Variants in COL5A1 observed in about 807,000 individuals in gnomAD.
COL5A1 encodes the protein collagen alpha-1(V) chain.
A neutral mutation model predicts 263.7 loss-of-function variants in COL5A1; 16 were observed. The observed-to-expected ratio is 0.06, with a 90% CI of 0.04 to 0.09. The LOEUF is 0.09. Ranked by LOEUF, COL5A1 falls within the 10% of genes least tolerant of loss-of-function variation. The pLI is 1.00. For synonymous variants in COL5A1, 1,012 were observed against 1,004.5 expected (o/e 1.01, Z -0.14); for missense variants, 2,036 against 2,540.5 (o/e 0.80, Z 4.27).
At position 134,679,058 on chromosome 9, in the gene COL5A1, G is replaced by A. The variant is rs75374435; in HGVS notation, c.110-11854G>A. On this transcript the variant is annotated intron_variant, in intron 1 of 65. Transcript: ENST00000371817. ...TTCTCATCAATTCTCAGTTCATTTG[G>A]AGCCTCCTCTTCACTACTTGACACC... Among the ~76,000 whole-genome samples the A allele has an allele frequency of 6.7e-3, 1,022 of 152,310 alleles. 11 individuals carry two copies. Among genetic ancestry groups the A allele is most frequent in the African/African-American group, 0.019 (802 of 41,570 alleles).
At position 134,796,432 on chromosome 9, in the gene COL5A1, G is replaced by C. The variant is rs1400783847; in HGVS notation, c.2844+14G>C. 6.2e-7 allele frequency: 1 copy of C among 1,613,966 alleles called. No individual in the cohort carries two copies. The highest frequency in any genetic ancestry group is 8.5e-7 in the Non-Finnish European group (1 of 1,179,898). ...CCTGGTGAACGGGTAAGCAGCTGGA[G>C]CCTTCGGGGGTGTCTCCAAGGGCAG... On this transcript the variant is annotated intron_variant, in intron 35 of 65. Transcript: ENST00000371817.
rs1166806390 is a variant in COL5A1 at position 134,789,170 on chromosome 9, C to T, written c.2662C>T (p.Pro888Ser). ...TCTCTTTCAGGGCTCTATTGGATTCCCTGGATTTCCTGGCGCCAATGGAGA... is the reference window on the plus strand; with the variant it reads ...TCTCTTTCAGGGCTCTATTGGATTCTCTGGATTTCCTGGCGCCAATGGAGA... ...RQGPKGSIGF[P>S]GFPGANGEKG... Residue 888 changes from proline (P) to serine (S), a missense_variant, in exon 32 of 66, where the codon CCT becomes TCT. By Grantham distance (74) the Pro-to-Ser change is moderately conservative. Around this residue, in one of 3 missense-constraint regions of COL5A1, gnomAD observed 1,078 missense variants for 1,521.4 expected, o/e 0.71. Coordinates refer to ENST00000371817, the MANE Select transcript of COL5A1 (RefSeq NM_000093.5). The surrounding 1 kb of genome is among the most constrained non-coding windows in gnomAD (Gnocchi z 4.8). 6.2e-7 allele frequency: 1 copy of T among 1,613,068 alleles called. No homozygotes were observed.
In COL5A1 at chr9:134,752,110, G is replaced by A. The variant is rs369062523; in HGVS notation, c.1663-479G>A. Among the ~76,000 whole-genome samples, 34 of 152,358 alleles carry A rather than the reference G, an allele frequency of 2.2e-4. No individual in the cohort carries two copies. In the East Asian group the frequency reaches 2.7e-3, roughly 12 times the overall value. Reference sequence around the variant, plus strand: ...TGGGGGCCACATGCAGAGGGGGCAGGTGGGTTCCTACCCTCCCAAAATACT... The same window carrying A: ...TGGGGGCCACATGCAGAGGGGGCAGATGGGTTCCTACCCTCCCAAAATACT... On this transcript the variant is annotated intron_variant, in intron 13 of 65. Transcript: ENST00000371817.
intron 18 of COL5A1, among the ~76,000 whole-genome samples, chr9:134,759,881 C>A (rs1236178973): frequency 9.5e-6 from 1 of 105,616 alleles, no homozygotes; most frequent in South Asian, 3.7e-4. Context: ...TGCACACACA[C>A]CACACAGGCA....
At chr9:134,791,589 G>T (rs1425042552) in intron 32 of COL5A1, among the ~76,000 whole-genome samples, 1 of 151,832 alleles carries the variant, frequency 6.6e-6, no homozygotes, top group Non-Finnish European at 1.5e-5. Flanking sequence ...GAAGCTGAGG[G>T]CTGGGCTGTC....
At chr9:134,725,180 G>A (rs1361802738) in intron 4 of COL5A1, among the ~76,000 whole-genome samples, 1 of 152,156 alleles carries the variant, frequency 6.6e-6, no homozygotes, top group Non-Finnish European at 1.5e-5. Flanking sequence ...TCCCTTGAGT[G>A]TGGTGGGGCG....
In COL5A1 at chr9:134,781,011, C is replaced by T. The variant is rs893365432; in HGVS notation, c.2430+865C>T. On this transcript the variant is annotated intron_variant, in intron 28 of 65. Coordinates refer to ENST00000371817, the MANE Select transcript of COL5A1 (RefSeq NM_000093.5). ...ACTCTGGGCTCTCCCCTGGCCACGG[C>T]GGCCTGCGGGGCTGGAGTGCGGGTG... 8.5e-5 allele frequency among the ~76,000 whole-genome samples: 13 copies of T among 152,248 alleles called. No individual in the cohort carries two copies. In the East Asian group the frequency reaches 9.6e-4, roughly 11 times the overall value.
rs574753558 is a variant in COL5A1 at position 134,843,382 on chromosome 9, T to C, written c.*1079T>C. The stretch of plus-strand genomic sequence containing the variant: ...ACACTTCTCTCTTGTGGCTCTCTTG[T>C]GGTGCTATCTATCTGTTTTAAGGTC... On this transcript the variant is annotated 3_prime_UTR_variant, in exon 66 of 66. Transcript: ENST00000371817. 1.2e-5 allele frequency: 1 copy of C among 83,184 alleles called. No individual in the cohort carries two copies. The highest frequency in any genetic ancestry group is 3.8e-4 in the South Asian group (1 of 2,662). 5.2% of individuals were successfully genotyped at this position (83,184 alleles called of 1,614,324 possible). A position where few individuals can be genotyped will look rare whatever the true frequency, so the allele number is the denominator to read the frequency against.
At chr9:134,798,229 C>G (rs1309948367) in intron 36 of COL5A1, among the ~76,000 whole-genome samples, 179 bp from the exon 37 acceptor site, 1 of 152,196 alleles carries the variant, frequency 6.6e-6, no homozygotes, top group East Asian at 1.9e-4. Flanking sequence ...CAGGCAGGAG[C>G]CAAGGACAGC....
intron 42 of COL5A1, 49 bp downstream of exon 42, chr9:134,806,345 G>T (rs201059243): frequency 8.7e-5 from 116 of 1,327,160 alleles, no homozygotes; most frequent in Non-Finnish European, 1.2e-4. Context: ...AGATGCTGGG[G>T]TCGTTCCGTG....
At chr9:134,720,430 T>G (rs1201888739) in intron 4 of COL5A1, among the ~76,000 whole-genome samples, 1 of 152,178 alleles carries the variant, frequency 6.6e-6, no homozygotes, top group Non-Finnish European at 1.5e-5. Flanking sequence ...AGTTTGGAGC[T>G]TGGTTTCATA....
intron 9 of COL5A1, 47 bp from the exon 10 acceptor site, chr9:134,738,427 G>A (rs369392958): frequency 2.7e-5 from 44 of 1,612,192 alleles, no homozygotes; most frequent in Middle Eastern, 1.7e-4. Flanking sequence ...CTGGGGTGTC[G>A]GGAGGGATGG....
chr9:134,673,459 CAAAA>C (rs35466442), intron 1 of COL5A1, among the ~76,000 whole-genome samples: 1 of 103,072 alleles, frequency 9.7e-6, no homozygotes, highest in Non-Finnish European at 2.1e-5. Context: ...GACTCCATCT[CAAAA>C]AAAAAAAAAA....
In COL5A1 at chr9:134,642,581, C is replaced by T. The variant is rs577058653; in HGVS notation, c.109+285C>T. On this transcript the variant is annotated intron_variant, in intron 1 of 65. Coordinates refer to ENST00000371817, the MANE Select transcript of COL5A1 (RefSeq NM_000093.5). The surrounding 1 kb of genome is among the most constrained non-coding windows in gnomAD (Gnocchi z 4.5). Reference sequence around the variant, plus strand: ...CTGGATCAGCAGGAGGGGTTGTCCACGAGGCGGGCAAACTTTTGTCCCAAA... The same window carrying T: ...CTGGATCAGCAGGAGGGGTTGTCCATGAGGCGGGCAAACTTTTGTCCCAAA... Among the ~76,000 whole-genome samples the T allele has an allele frequency of 1.3e-5, 2 of 152,200 alleles. No homozygotes were observed. Among genetic ancestry groups the T allele is most frequent in the Admixed American group, 1.3e-4 (2 of 15,282 alleles).
At chr9:134,736,095 G>GCCA (rs1378647398) in intron 9 of COL5A1, among the ~76,000 whole-genome samples, 3 of 148,322 alleles carry the variant, frequency 2.0e-5, no homozygotes, top group South Asian at 2.1e-4. Context: ...GCAGCCCCCT[G>GCCA]GCCGGGAGTC....
At chr9:134,718,207 A>T (rs1834338700) in intron 4 of COL5A1, among the ~76,000 whole-genome samples, 2 of 152,358 alleles carry the variant, frequency 1.3e-5, no homozygotes, top group South Asian at 4.1e-4. Context: ...TGCCAGAGCC[A>T]AGGACAACAT....
intron 59 of COL5A1, 121 bp from the exon 60 acceptor site, chr9:134,822,877 C>G (rs1839072851): frequency 4.4e-6 from 5 of 1,127,998 alleles, no homozygotes; most frequent in Non-Finnish European, 6.6e-6. Context: ...AGCATAGACT[C>G]TTGAGGGGGA....
In COL5A1 at chr9:134,754,305, G is replaced by A. The variant is rs144065675; in HGVS notation, c.1806G>A (p.Pro602=). ...GAGGTGTGCAAGGCCCGCCTGGTCC[G>A]GCCGGGAAGCCCGGAAGACGGGTGA... ...GPRGVQGPPG[P]AGKPGRRGRA... The change falls in exon 16 of 66, where the codon CCG becomes CCA. Residue 602 remains proline (P), a synonymous_variant. Coordinates refer to ENST00000371817, the MANE Select transcript of COL5A1 (RefSeq NM_000093.5). The surrounding 1 kb of genome is among the most constrained non-coding windows in gnomAD (Gnocchi z 4.3). 2.4e-5 allele frequency: 38 copies of A among 1,614,052 alleles called. No individual in the cohort carries two copies. Among genetic ancestry groups the A allele is most frequent in the African/African-American group, 4.0e-5 (3 of 75,074 alleles).
intron 42 of COL5A1, among the ~76,000 whole-genome samples, chr9:134,807,919 C>A (rs1000339405): frequency 6.6e-6 from 1 of 152,074 alleles, no homozygotes; most frequent in African/African-American, 2.4e-5. Context: ...GCAAGAGTTG[C>A]TCTATCCAGG....
Sources: allele counts gnomAD v4.1 joint callset (sites outside exome capture counted in the v4.1 genomes callset), GRCh38; gene constraint gnomAD v4.1.1; regional missense constraint gnomAD v4.1.1; non-coding constraint Gnocchi (gnomAD v3.1); transcripts MANE v1.5; gene names NCBI Gene and HGNC (gene_info 2026-07-23, HGNC 2026-07-21).